The following PCSK2 variants were observed in gnomAD, a reference collection of about 807,000 sequenced individuals.
The protein encoded by PCSK2 is proprotein convertase subtilisin/kexin type 2.
In PCSK2, 14 loss-of-function variants were observed where a neutral mutation model predicts 69.7. That is an observed-to-expected ratio of 0.20 (90% confidence interval 0.13 to 0.31). PCSK2 has a LOEUF of 0.31. Among genes scored for constraint, PCSK2 ranks in the 10% least tolerant of loss-of-function variants. PCSK2 has a pLI of 1.00. For missense variants in PCSK2, 544 were observed against 842.5 expected, an observed-to-expected ratio of 0.65 and a Z score of 4.39; for synonymous variants, 307 against 320.7, an observed-to-expected ratio of 0.96 and a Z score of 0.46.
intron 1 of PCSK2, among the ~76,000 whole-genome samples, chr20:17,229,012 C>T (rs1362158948): frequency 2.6e-5 from 4 of 152,216 alleles, no homozygotes; most frequent in Admixed American, 6.5e-5. Context: ...ATAAAGAAGC[C>T]GACCTTCCTT....
chr20:17,352,347 C>G (rs1036761069), intron 2 of PCSK2, among the ~76,000 whole-genome samples: 11 of 152,072 alleles, frequency 7.2e-5, no homozygotes, highest in Non-Finnish European at 1.3e-4. Context: ...TTAGAAGAAA[C>G]AATTCTAAAA....
intron 2 of PCSK2, among the ~76,000 whole-genome samples, chr20:17,348,439 T>C (rs1027215346): frequency 9.9e-5 from 15 of 152,216 alleles, no homozygotes; most frequent in African/African-American, 3.6e-4. Flanking sequence ...GTTCACACAG[T>C]GGGCCAGGTG....
chr20:17,391,825 T>C (rs2031380069), intron 5 of PCSK2, among the ~76,000 whole-genome samples: 1 of 151,554 alleles, frequency 6.6e-6, no homozygotes, highest in African/African-American at 2.4e-5. Flanking sequence ...GAGCTATGAT[T>C]ACACCACTGC....
intron 11 of PCSK2, among the ~76,000 whole-genome samples, chr20:17,470,677 G>A (rs1447170705): frequency 2.6e-5 from 4 of 152,184 alleles, no homozygotes; most frequent in Admixed American, 1.3e-4. Flanking sequence ...CAGGAGGTTG[G>A]CATCCCTAGT....
chr20:17,260,660 T>C (rs1449880745), intron 2 of PCSK2, among the ~76,000 whole-genome samples: 2 of 152,130 alleles, frequency 1.3e-5, no homozygotes, highest in East Asian at 3.9e-4. Flanking sequence ...CTGTGATGGA[T>C]GGGAAGACAA....
At chr20:17,432,154 T>C (rs932259431) in intron 7 of PCSK2, among the ~76,000 whole-genome samples, 2 of 152,234 alleles carry the variant, frequency 1.3e-5, no homozygotes, top group Non-Finnish European at 2.9e-5. Flanking sequence ...GAAGAGAGCA[T>C]TGAGCATCTC....
chr20:17,355,569 C>T (rs143137404), intron 2 of PCSK2, among the ~76,000 whole-genome samples: 49 of 152,208 alleles, frequency 3.2e-4, no homozygotes, highest in Non-Finnish European at 5.7e-4. Flanking sequence ...TATCTGATGG[C>T]TATGTTTCCA....
chr20:17,291,660 C>T (rs1426662736), intron 2 of PCSK2, among the ~76,000 whole-genome samples: 2 of 152,134 alleles, frequency 1.3e-5, no homozygotes, highest in Non-Finnish European at 2.9e-5. Context: ...TATGGTACTT[C>T]TGAGGTATAG....
chr20:17,389,408 A>T (rs2031315500), intron 5 of PCSK2, among the ~76,000 whole-genome samples: 1 of 152,008 alleles, frequency 6.6e-6, no homozygotes, highest in Non-Finnish European at 1.5e-5. Flanking sequence ...ATATGTCCAC[A>T]CATTCCAATA....
intron 2 of PCSK2, among the ~76,000 whole-genome samples, chr20:17,269,704 C>G (rs1987783953): frequency 6.6e-6 from 1 of 152,106 alleles, no homozygotes; most frequent in Admixed American, 6.6e-5. Flanking sequence ...CAACTAGGCA[C>G]TAACTCAGAG....
At chr20:17,316,274 C>T (rs377735101) in intron 2 of PCSK2, among the ~76,000 whole-genome samples, 1 of 152,138 alleles carries the variant, frequency 6.6e-6, no homozygotes, top group South Asian at 2.1e-4. Flanking sequence ...TGTCACTGAC[C>T]CAGGGTTGGC....
chr20:17,465,422 G>A lies in PCSK2; in HGVS notation c.1299G>A (p.Gly433=), dbSNP rs1037634248. 1.2e-6 allele frequency: 2 copies of A among 1,614,136 alleles called. No homozygotes were observed. The highest frequency in any genetic ancestry group is 1.1e-5 in the South Asian group (1 of 91,082). Residue 433 remains glycine (G), a synonymous_variant, in exon 11 of 12, where the codon GGG becomes GGA. Transcript: ENST00000262545. ...AGGTCCATCAGTGGCGGCGCAATGG[G>A]GTCGGCCTGGAATTTAATCACCTCT... ...HDEVHQWRRN[G]VGLEFNHLFG... is the part of the protein sequence containing the mutation.
At chr20:17,284,806 T>C (rs1048673998) in intron 2 of PCSK2, among the ~76,000 whole-genome samples, 5 of 152,154 alleles carry the variant, frequency 3.3e-5, no homozygotes, top group Admixed American at 2.6e-4. Flanking sequence ...TTAAGGGTTA[T>C]GGAGTGGGCT....
At position 17,252,858 on chromosome 20, in the gene PCSK2, A is replaced by G. The variant is rs868585332; in HGVS notation, c.178-7382A>G. On this transcript the variant is annotated intron_variant, in intron 1 of 11. Coordinates refer to ENST00000262545, the MANE Select transcript of PCSK2 (RefSeq NM_002594.5). ...AGAAGAAACTAAAATGTCAATAAACATATGAAAAGATGCTCAAACTTTCAA... is the reference window on the plus strand; with the variant it reads ...AGAAGAAACTAAAATGTCAATAAACGTATGAAAAGATGCTCAAACTTTCAA... Among the ~76,000 whole-genome samples, 4 of 152,266 alleles carry G rather than the reference A, an allele frequency of 2.6e-5. No individual in the cohort carries two copies. In the South Asian group the frequency reaches 6.2e-4, roughly 24 times the overall value.
intron 2 of PCSK2, among the ~76,000 whole-genome samples, chr20:17,266,400 C>T (rs1057265808): frequency 6.6e-5 from 10 of 152,194 alleles, no homozygotes; most frequent in African/African-American, 1.2e-4. Flanking sequence ...CAATGGGACA[C>T]GACCAGGGTC....
In PCSK2 at chr20:17,438,784, G is replaced by A. The variant is rs1413641618; in HGVS notation, c.885+1901G>A. On this transcript the variant is annotated intron_variant, in intron 8 of 11. Coordinates refer to ENST00000262545, the MANE Select transcript of PCSK2 (RefSeq NM_002594.5). ...GGCACAGCCCACAGCCGATGACTAA[G>A]GCAGGAGCCTGTTTGCCTCCAACAG... Among the ~76,000 whole-genome samples, 3 of 152,354 alleles carry A rather than the reference G, an allele frequency of 2.0e-5. No individual in the cohort carries two copies. In the South Asian group the frequency reaches 6.2e-4, roughly 32 times the overall value.
intron 2 of PCSK2, among the ~76,000 whole-genome samples, chr20:17,268,063 A>ATATATATATATATATATATAT (rs1987702272): frequency 1.4e-5 from 2 of 145,410 alleles, no homozygotes; most frequent in South Asian, 2.2e-4. Context: ...ATATATATAT[A>ATATATATATATATATATATAT]ATGCATTTAT....
chr20:17,286,691 T>A (rs1472153024), intron 2 of PCSK2, among the ~76,000 whole-genome samples: 4 of 152,170 alleles, frequency 2.6e-5, no homozygotes, highest in African/African-American at 9.7e-5. Context: ...TGGTCAGGAA[T>A]CCAGTAAGAA....
Position 17,266,840 on chromosome 20 carries a change from C to T in PCSK2, c.282+6496C>T, listed in dbSNP as rs998438749. Among the ~76,000 whole-genome samples, 15 of 152,094 alleles carry T rather than the reference C, an allele frequency of 9.9e-5. 1 individual carries two copies. Among genetic ancestry groups the T allele is most frequent in the Admixed American group, 6.6e-4 (10 of 15,260 alleles). On this transcript the variant is annotated intron_variant, in intron 2 of 11. Coordinates refer to ENST00000262545, the MANE Select transcript of PCSK2 (RefSeq NM_002594.5). Reference sequence around the variant, plus strand: ...GGCATGGGTACTCCCTCAAAGGAAACATAGTCTTAGGTAAATCACGTCCTG... The same window carrying T: ...GGCATGGGTACTCCCTCAAAGGAAATATAGTCTTAGGTAAATCACGTCCTG...
Sources: gnomAD v4.1 joint callset for allele counts (sites outside exome capture counted in the v4.1 genomes callset) on GRCh38, gnomAD v4.1.1 for gene constraint, MANE v1.5 for transcripts, NCBI Gene and HGNC (gene_info 2026-07-23, HGNC 2026-07-21) for gene names.